CDH8: variants seen among roughly 807,000 people sequenced by gnomAD.
CDH8 encodes cadherin 8, also known as cadherin-8.
A neutral mutation model predicts 68.1 loss-of-function variants in CDH8; 17 were observed. That is an observed-to-expected ratio of 0.25 (90% CI 0.17 to 0.37). The LOEUF (loss-of-function observed/expected upper bound fraction) is 0.37, where lower values mean the gene tolerates loss of function less well. CDH8 is among the 10% of genes least tolerant of loss of function. CDH8 has a pLI of 1.00. For synonymous variants in CDH8, 372 were observed against 365.1 expected (o/e 1.02, Z -0.21); for missense variants, 763 against 999.3 (o/e 0.76, Z 3.19).
At chr16:61,851,966 G>C (rs1962947237) in intron 4 of CDH8, among the ~76,000 whole-genome samples, 1 of 151,984 alleles carries the variant, frequency 6.6e-6, no homozygotes, top group South Asian at 2.1e-4. Flanking sequence ...CTTGAATCCT[G>C]CTTCAAACAC....
At chr16:62,011,995 C>G (rs1417034689) in intron 2 of CDH8, among the ~76,000 whole-genome samples, 1 of 152,054 alleles carries the variant, frequency 6.6e-6, no homozygotes, top group Non-Finnish European at 1.5e-5. Context: ...ATGTGGATGA[C>G]CAAATTAGGC....
At chr16:61,728,676 T>C (rs1244328831) in intron 8 of CDH8, among the ~76,000 whole-genome samples, 13 of 151,134 alleles carry the variant, frequency 8.6e-5, no homozygotes, top group Non-Finnish European at 3.0e-5. Context: ...TCTAGGAAGT[T>C]TATAATTTGA....
At chr16:61,760,183 C>T (rs1036249304) in intron 8 of CDH8, among the ~76,000 whole-genome samples, 2 of 151,868 alleles carry the variant, frequency 1.3e-5, no homozygotes, top group Admixed American at 6.6e-5. Flanking sequence ...TTGGCCTTAC[C>T]CATACTATAC....
At chr16:61,998,827 T>C (rs963667116) in intron 2 of CDH8, among the ~76,000 whole-genome samples, 1 of 152,158 alleles carries the variant, frequency 6.6e-6, no homozygotes, top group Non-Finnish European at 1.5e-5. Flanking sequence ...CCAAAGATCA[T>C]TTTCTCTGTA....
At chr16:61,800,254 T>C (rs1961590735) in intron 7 of CDH8, among the ~76,000 whole-genome samples, 1 of 152,168 alleles carries the variant, frequency 6.6e-6, no homozygotes, top group Admixed American at 6.5e-5. Flanking sequence ...GGGACAAAAA[T>C]ATTTTTTACC....
At chr16:61,789,756 A>G (rs928521463) in intron 7 of CDH8, among the ~76,000 whole-genome samples, 4 of 152,118 alleles carry the variant, frequency 2.6e-5, no homozygotes, top group African/African-American at 9.7e-5. Context: ...GATGCTGATG[A>G]AGAGTTAATT....
intron 2 of CDH8, among the ~76,000 whole-genome samples, chr16:62,020,250 C>T (rs1322097435): frequency 2.0e-5 from 3 of 152,104 alleles, no homozygotes; most frequent in Non-Finnish European, 4.4e-5. Context: ...TGGCCTGATT[C>T]ACTTCTAAAG....
At chr16:61,881,744 A>C (rs2143132032) in intron 3 of CDH8, among the ~76,000 whole-genome samples, 1 of 152,322 alleles carries the variant, frequency 6.6e-6, no homozygotes, top group African/African-American at 2.4e-5. Context: ...AAAGAAACTC[A>C]GTTTCAGAGA....
intron 10 of CDH8, among the ~76,000 whole-genome samples, chr16:61,708,146 T>C (rs947765899): frequency 9.2e-5 from 14 of 152,168 alleles, no homozygotes; most frequent in African/African-American, 3.4e-4. Context: ...ATTATTATTA[T>C]ACTTTAAGTT....
At chr16:61,865,409 C>T (rs140991032) in intron 3 of CDH8, among the ~76,000 whole-genome samples, 390 of 152,316 alleles carry the variant, frequency 2.6e-3, no homozygotes, top group Non-Finnish European at 4.5e-3. Context: ...ACACGGATGT[C>T]TTCTATTCAC....
At chr16:61,721,072 G>A (rs1483217410) in intron 9 of CDH8, among the ~76,000 whole-genome samples, 2 of 150,482 alleles carry the variant, frequency 1.3e-5, no homozygotes, top group Non-Finnish European at 3.0e-5. Flanking sequence ...GGAAAGATCT[G>A]ATCTCACATT....
rs578082982 is a variant in CDH8 at position 61,753,036 on chromosome 16, G to A, written c.1415-25821C>T. Reference sequence around the variant, plus strand: ...GGCAACAACCACAAAAACATATGATGGACAAAATTCCAGAGTAAGGGCACT... The same window carrying A: ...GGCAACAACCACAAAAACATATGATAGACAAAATTCCAGAGTAAGGGCACT... On this transcript the variant is annotated intron_variant, in intron 8 of 11. Coordinates refer to ENST00000577390, the MANE Select transcript of CDH8 (RefSeq NM_001796.5). Among the ~76,000 whole-genome samples the A allele has an allele frequency of 2.0e-5, 3 of 152,162 alleles. No homozygotes were observed. The East Asian group carries it at 5.8e-4, about 29-fold the overall frequency.
At chr16:61,851,412 C>T (rs991717117) in intron 4 of CDH8, among the ~76,000 whole-genome samples, 1 of 151,996 alleles carries the variant, frequency 6.6e-6, no homozygotes, top group Non-Finnish European at 1.5e-5. Context: ...CTCTCACTTG[C>T]CTGGAGCAAA....
chr16:61,663,270 TATG>T (rs1468875518), intron 10 of CDH8, among the ~76,000 whole-genome samples: 4 of 152,030 alleles, frequency 2.6e-5, no homozygotes, highest in Non-Finnish European at 5.9e-5. Context: ...TTATTCAGAT[TATG>T]ATAACAGATT....
chr16:61,802,913 C>T (rs1961692471), intron 7 of CDH8, among the ~76,000 whole-genome samples: 1 of 100,728 alleles, frequency 9.9e-6, no homozygotes, highest in Non-Finnish European at 1.9e-5. Flanking sequence ...TCCAGGAGAA[C>T]TTCCCCAATC....
At chr16:61,974,406 C>A (rs1597102077) in intron 2 of CDH8, among the ~76,000 whole-genome samples, 7 of 152,108 alleles carry the variant, frequency 4.6e-5, no homozygotes, top group Admixed American at 4.6e-4. Flanking sequence ...CTAAGCCTAG[C>A]AATGCAGGGT....
chr16:61,715,245 A>T (rs1964703133), intron 9 of CDH8, among the ~76,000 whole-genome samples: 1 of 151,620 alleles, frequency 6.6e-6, no homozygotes, highest in East Asian at 1.9e-4. Context: ...AGCTTGAGTG[A>T]CAAAATAACA....
At chr16:61,977,819 A>G (rs927330143) in intron 2 of CDH8, among the ~76,000 whole-genome samples, 3 of 152,164 alleles carry the variant, frequency 2.0e-5, no homozygotes, top group African/African-American at 7.2e-5. Context: ...TATTAATTTC[A>G]TTTTTAAAAA....
At chr16:61,773,996 A>T (rs1370766697) in intron 8 of CDH8, among the ~76,000 whole-genome samples, 1 of 152,056 alleles carries the variant, frequency 6.6e-6, no homozygotes, top group Admixed American at 6.6e-5. Flanking sequence ...CTGAAATGCC[A>T]GTTGGGTAGG....
Sources: gnomAD v4.1 joint callset for allele counts (sites outside exome capture counted in the v4.1 genomes callset) on GRCh38, gnomAD v4.1.1 for gene constraint, MANE v1.5 for transcripts, NCBI Gene and HGNC (gene_info 2026-07-23, HGNC 2026-07-21) for gene names.